The following KHDRBS2 variants were observed in gnomAD, a reference collection of about 807,000 sequenced individuals.
The protein encoded by KHDRBS2 is KH domain-containing, RNA-binding, signal transduction-associated protein 2.
KHDRBS2 carries 26 observed loss-of-function variants against 44.3 expected under a neutral mutation model. The observed-to-expected ratio is 0.59, with a 90% confidence interval of 0.43 to 0.81. The LOEUF is 0.81. Among genes scored for constraint, KHDRBS2 ranks in the 40% least tolerant of loss-of-function variants. KHDRBS2 has a pLI of 0.00. For synonymous variants in KHDRBS2, 194 were observed against 151.1 expected, an observed-to-expected ratio of 1.28 and a Z score of -2.08; for missense variants, 476 against 433.1, an observed-to-expected ratio of 1.10 and a Z score of -0.88.
chr6:61,955,236 G>A (rs1307949381), intron 4 of KHDRBS2, among the ~76,000 whole-genome samples: 14 of 142,582 alleles, frequency 9.8e-5, no homozygotes, highest in Admixed American at 3.5e-4. Context: ...ATACACATAC[G>A]TATGTATGTA....
intron 3 of KHDRBS2, among the ~76,000 whole-genome samples, chr6:62,020,357 C>T (rs1244061132): frequency 6.6e-6 from 1 of 151,946 alleles, no homozygotes; most frequent in Non-Finnish European, 1.5e-5. Flanking sequence ...GCTGTTTTAT[C>T]ACCCAGAATG....
chr6:61,895,280 T>C (rs1453813920), intron 5 of KHDRBS2, among the ~76,000 whole-genome samples: 1 of 152,080 alleles, frequency 6.6e-6, no homozygotes, highest in Non-Finnish European at 1.5e-5. Context: ...TCCTTTATGC[T>C]GGGGATTACA....
intron 6 of KHDRBS2, among the ~76,000 whole-genome samples, chr6:61,854,507 A>G (rs928103613): frequency 1.3e-5 from 2 of 152,184 alleles, no homozygotes; most frequent in African/African-American, 4.8e-5. Flanking sequence ...AAATCATTAC[A>G]AAATGTTTTA....
chr6:61,989,720 T>G (rs1290793187), intron 3 of KHDRBS2, among the ~76,000 whole-genome samples: 1 of 152,184 alleles, frequency 6.6e-6, no homozygotes, highest in Non-Finnish European at 1.5e-5. Context: ...TGTTTTTAAT[T>G]GTATTTCTTC....
intron 6 of KHDRBS2, among the ~76,000 whole-genome samples, chr6:61,753,008 T>C (rs954981369): frequency 6.6e-5 from 10 of 152,162 alleles, no homozygotes; most frequent in Non-Finnish European, 1.3e-4. Context: ...TTACCTTTCA[T>C]TGGGTATTTT....
intron 2 of KHDRBS2, among the ~76,000 whole-genome samples, chr6:62,075,965 T>C (rs1206304129): frequency 6.6e-6 from 1 of 151,710 alleles, no homozygotes; most frequent in Non-Finnish European, 1.5e-5. Flanking sequence ...GAATGTAGAT[T>C]TTTTTTGCTG....
intron 1 of KHDRBS2, among the ~76,000 whole-genome samples, chr6:62,191,823 T>A (rs990998617): frequency 3.3e-5 from 5 of 152,110 alleles, no homozygotes; most frequent in Non-Finnish European, 7.4e-5. Context: ...CAAAATGCAA[T>A]ACATTTTTAA....
At chr6:62,229,772 G>T (rs930013450) in intron 1 of KHDRBS2, among the ~76,000 whole-genome samples, 1 of 152,122 alleles carries the variant, frequency 6.6e-6, no homozygotes, top group African/African-American at 2.4e-5. Flanking sequence ...GTGGCTCTCA[G>T]GTGGGCCGCC....
chr6:61,581,147 A>T, the KHDRBS2 span, among the ~76,000 whole-genome samples: 1 of 152,170 alleles, frequency 6.6e-6, no homozygotes, highest in Non-Finnish European at 1.5e-5. Context: ...AGGCTGTAGA[A>T]CATGTTCTTT....
chr6:61,836,548 G>T (rs17176557), intron 6 of KHDRBS2, among the ~76,000 whole-genome samples: 25,365 of 151,952 alleles, frequency 0.17, 2,250 homozygotes, highest in Non-Finnish European at 0.2. Context: ...AGAAAAATGT[G>T]CCTGCAGCAT....
At chr6:61,698,057 C>T (rs1047985286) in intron 7 of KHDRBS2, among the ~76,000 whole-genome samples, 1 of 152,182 alleles carries the variant, frequency 6.6e-6, no homozygotes, top group Non-Finnish European at 1.5e-5. Flanking sequence ...TGAAGACAAT[C>T]AGGCTGTCGT....
intron 6 of KHDRBS2, among the ~76,000 whole-genome samples, chr6:61,886,246 C>G (rs2127323013): frequency 6.6e-6 from 1 of 152,244 alleles, no homozygotes; most frequent in Admixed American, 6.5e-5. Flanking sequence ...TAACTCTTCT[C>G]TACTTTTCTC....
chr6:61,738,458 T>G (rs1414249261), intron 6 of KHDRBS2, among the ~76,000 whole-genome samples: 1 of 152,010 alleles, frequency 6.6e-6, no homozygotes, highest in Non-Finnish European at 1.5e-5. Context: ...CAAGTCCTTA[T>G]AGGATCCTTG....
intron 6 of KHDRBS2, among the ~76,000 whole-genome samples, chr6:61,782,340 G>A (rs978381767): frequency 4.6e-5 from 7 of 151,978 alleles, no homozygotes; most frequent in Non-Finnish European, 1.0e-4. Context: ...CAACTCATTC[G>A]AGTTGCTAGT....
intron 2 of KHDRBS2, among the ~76,000 whole-genome samples, chr6:62,108,248 G>GA (rs1584753852): frequency 1.3e-5 from 2 of 151,988 alleles, no homozygotes; most frequent in South Asian, 4.1e-4. Flanking sequence ...AAATTTAGAA[G>GA]AAAAAAACAA....
chr6:62,181,571 G>A (rs1822317626), intron 1 of KHDRBS2, among the ~76,000 whole-genome samples: 1 of 151,882 alleles, frequency 6.6e-6, no homozygotes, highest in South Asian at 2.1e-4. Context: ...GGGAATCCTT[G>A]TACATTATTG....
At chr6:61,645,035 A>G in the KHDRBS2 span, among the ~76,000 whole-genome samples, 1 of 152,146 alleles carries the variant, frequency 6.6e-6, no homozygotes, top group African/African-American at 2.4e-5. Context: ...TTGCAGCACT[A>G]TTCACAATAG....
intron 6 of KHDRBS2, among the ~76,000 whole-genome samples, chr6:61,773,982 T>C (rs1382535631): frequency 7.2e-5 from 11 of 152,200 alleles, no homozygotes; most frequent in South Asian, 2.1e-4. Context: ...CTGAGGGCTC[T>C]GTTCTGTTCC....
At chr6:62,042,275 T>C (rs1438598360) in intron 3 of KHDRBS2, among the ~76,000 whole-genome samples, 2 of 152,120 alleles carry the variant, frequency 1.3e-5, no homozygotes, top group Non-Finnish European at 2.9e-5. Flanking sequence ...ATACTCTGCT[T>C]ATGTTTCACA....
Sources: gnomAD v4.1 joint callset for allele counts (sites outside exome capture counted in the v4.1 genomes callset) on GRCh38, gnomAD v4.1.1 for gene constraint, MANE v1.5 for transcripts, NCBI Gene and HGNC (gene_info 2026-07-23, HGNC 2026-07-21) for gene names.